The following PCNX1 variants were observed in gnomAD, a reference collection of about 807,000 sequenced individuals.
The protein encoded by PCNX1 is pecanex-like protein 1.
In PCNX1, 78 loss-of-function variants were observed where a neutral mutation model predicts 242.2. The observed-to-expected ratio is 0.32, with a 90% CI of 0.27 to 0.39. The LOEUF is 0.39. PCNX1 is among the 10% of genes least tolerant of loss of function. PCNX1 has a pLI of 1.00. For synonymous variants in PCNX1, 1,024 were observed against 1,032.9 expected (o/e 0.99, Z 0.17); for missense variants, 2,581 against 2,856.5 (o/e 0.90, Z 2.20).
intron 1 of PCNX1, among the ~76,000 whole-genome samples, chr14:70,940,273 G>T (rs1017287820): frequency 6.6e-6 from 1 of 152,178 alleles, no homozygotes; most frequent in Non-Finnish European, 1.5e-5. Flanking sequence ...GCTACTGGTT[G>T]TTCCTTTCCA....
At chr14:70,967,318 A>G (rs1192024091) in intron 3 of PCNX1, among the ~76,000 whole-genome samples, 1 of 152,240 alleles carries the variant, frequency 6.6e-6, no homozygotes, top group African/African-American at 2.4e-5. Context: ...ATAAAGTAGT[A>G]TATGAATGTT....
intron 2 of PCNX1, among the ~76,000 whole-genome samples, chr14:70,951,581 G>T (rs915605864): frequency 4.6e-5 from 7 of 152,022 alleles, no homozygotes; most frequent in Admixed American, 4.6e-4. Flanking sequence ...CATCATGTTG[G>T]CCAGGCTGGT....
rs567224110 is a variant in PCNX1, at chr14:70,924,027, T to G, written c.153+16024T>G. ...AGGCAGATTGCTTGAGTCCAGGAGT[T>G]CGAGACTAGCCTGGGCTCTATGGGG... On this transcript the variant is annotated intron_variant, in intron 1 of 35. Transcript: ENST00000304743. 1.3e-3 allele frequency among the ~76,000 whole-genome samples: 197 copies of G among 152,166 alleles called. 1 individual carries two copies. The highest frequency in any genetic ancestry group is 4.4e-3 in the African/African-American group (184 of 41,528).
chr14:71,073,878 T>C (rs1421778489), intron 27 of PCNX1, 80 bp downstream of exon 27: 1 of 970,562 alleles, frequency 1.0e-6, no homozygotes, highest in Non-Finnish European at 1.4e-6. Context: ...TATATATATG[T>C]ATATACTTTT....
intron 7 of PCNX1, among the ~76,000 whole-genome samples, chr14:70,989,484 C>G (rs1595154425): frequency 6.6e-6 from 1 of 151,440 alleles, no homozygotes; most frequent in Non-Finnish European, 1.5e-5. Flanking sequence ...AAAAATCTAT[C>G]CAAAAGACTT....
Position 70,978,355 on chromosome 14 carries a change from G to T in PCNX1, c.2018G>T (p.Arg673Leu). The change falls in exon 6 of 36, where the codon CGT becomes CTT. Residue 673 changes from arginine to leucine, a missense_variant. By Grantham distance (102) the Arg-to-Leu change is moderately radical. Coordinates refer to ENST00000304743, the MANE Select transcript of PCNX1 (RefSeq NM_014982.3). ...HLVPEGTSKK[R>L]ATRRTSSTNS... ...GTTCCTGAAGGAACCAGCAAAAAGC[G>T]TGCAACACGACGGACTTCTAGCACA... The T allele has an allele frequency of 6.2e-7, 1 of 1,614,208 alleles. No homozygotes were observed. Among genetic ancestry groups the T allele is most frequent in the Non-Finnish European group, 8.5e-7 (1 of 1,180,038 alleles).
intron 2 of PCNX1, among the ~76,000 whole-genome samples, chr14:70,961,531 A>G (rs1296073407): frequency 6.6e-6 from 1 of 152,192 alleles, no homozygotes; most frequent in African/African-American, 2.4e-5. Flanking sequence ...ATCTTTAAGT[A>G]CTGTGTTTGG....
chr14:71,013,355 C>G (rs983754017), intron 11 of PCNX1, among the ~76,000 whole-genome samples, 153 bp downstream of exon 11: 1 of 152,094 alleles, frequency 6.6e-6, no homozygotes, highest in Admixed American at 6.5e-5. Flanking sequence ...TAATGGGTTT[C>G]TAAACAGTGA....
At chr14:71,032,622 G>A (rs1041031158) in intron 16 of PCNX1, among the ~76,000 whole-genome samples, 2 of 152,182 alleles carry the variant, frequency 1.3e-5, no homozygotes, top group African/African-American at 4.8e-5. Flanking sequence ...AAGGCAAGTT[G>A]TATTAAAAAC....
intron 1 of PCNX1, among the ~76,000 whole-genome samples, chr14:70,936,594 T>C (rs2332477): frequency 0.63 from 96,057 of 152,030 alleles, 30,602 homozygotes; most frequent in South Asian, 0.72. Flanking sequence ...TAAACATACG[T>C]GTTGCATGTG....
intron 7 of PCNX1, among the ~76,000 whole-genome samples, chr14:70,991,464 A>C (rs1048864629): frequency 6.6e-5 from 10 of 152,154 alleles, no homozygotes; most frequent in African/African-American, 2.4e-4. Context: ...TTGGCCTTTC[A>C]AAGTGCCGGG....
chr14:71,031,727 A>G, intron 16 of PCNX1: 1 of 1,065,698 alleles, frequency 9.4e-7, no homozygotes, highest in Non-Finnish European at 1.4e-6. Flanking sequence ...TTGAACTCTG[A>G]TGTTTTCTCT....
Position 70,976,974 on chromosome 14 carries a change from G to C in PCNX1, c.637G>C (p.Val213Leu). The C allele has an allele frequency of 6.2e-7, 1 of 1,613,674 alleles. No homozygotes were observed. The highest frequency in any genetic ancestry group is 8.5e-7 in the Non-Finnish European group (1 of 1,179,694). Residue 213 changes from valine (V) to leucine (L), a missense_variant, in exon 6 of 36, where the codon GTC becomes CTC. Val to Leu is a conservative substitution (Grantham distance 32). Around this residue, in one of 9 missense-constraint regions of PCNX1, gnomAD observed 1,204 missense variants for 1,216.7 expected, o/e 0.99. Transcript: ENST00000304743. ...LAADRKLFRL[V>L]SNDSFISIQP... The stretch of plus-strand genomic sequence containing the variant: ...AGCTGATCGGAAGCTCTTTCGTCTT[G>C]TCTCCAATGACTCCTTCATCTCTAT...
At chr14:70,990,564 C>CAA (rs35800114) in intron 7 of PCNX1, among the ~76,000 whole-genome samples, 1 of 140,784 alleles carries the variant, frequency 7.1e-6, no homozygotes, top group East Asian at 2.0e-4. Flanking sequence ...GACTCCATCT[C>CAA]AAAAAAAAAA....
At chr14:70,928,621 G>A (rs889655270) in intron 1 of PCNX1, among the ~76,000 whole-genome samples, 1 of 152,060 alleles carries the variant, frequency 6.6e-6, no homozygotes, top group African/African-American at 2.4e-5. Flanking sequence ...CCTTTTTCCA[G>A]AATGGTTAGG....
At chr14:71,104,021 C>G (rs551238691) in intron 32 of PCNX1, among the ~76,000 whole-genome samples, 2 of 152,214 alleles carry the variant, frequency 1.3e-5, no homozygotes, top group African/African-American at 4.8e-5. Context: ...ACATAACATG[C>G]AAGTTGATTA....
chr14:70,931,929 G>T (rs1298234660), intron 1 of PCNX1, among the ~76,000 whole-genome samples: 1 of 152,194 alleles, frequency 6.6e-6, no homozygotes, highest in African/African-American at 2.4e-5. Context: ...TTCCAGACCA[G>T]CCTGACCAAC....
chr14:70,962,182 C>A (rs938889537), intron 2 of PCNX1, 44 bp from the exon 3 acceptor site: 4 of 1,139,032 alleles, frequency 3.5e-6, no homozygotes, highest in Non-Finnish European at 5.3e-6. Context: ...GCATTGGAGT[C>A]AGAATAATGA....
At chr14:71,088,272 T>C (rs1205899869) in intron 28 of PCNX1, 58 bp from the exon 29 acceptor site, 1 of 947,146 alleles carries the variant, frequency 1.1e-6, no homozygotes, top group East Asian at 2.4e-5. Flanking sequence ...TTTCGATTTA[T>C]GATTTGTTAA....
Sources: allele counts gnomAD v4.1 joint callset (sites outside exome capture counted in the v4.1 genomes callset), GRCh38; gene constraint gnomAD v4.1.1; regional missense constraint gnomAD v4.1.1; transcripts MANE v1.5; gene names NCBI Gene and HGNC (gene_info 2026-07-23, HGNC 2026-07-21).